PGBD2: variants seen among roughly 807,000 people sequenced by gnomAD.
PGBD2 encodes the protein piggyBac transposable element-derived protein 2.
In PGBD2, 6 loss-of-function variants were observed where a neutral mutation model predicts 8.1. The observed-to-expected ratio is 0.74, with a 90% CI of 0.40 to 1.46. The LOEUF (loss-of-function observed/expected upper bound fraction) is 1.46, where lower values mean the gene tolerates loss of function less well. Ranked by LOEUF, PGBD2 falls within the 40% of genes most tolerant of loss-of-function variation. PGBD2 has a pLI of 0.02. For synonymous variants in PGBD2, 318 were observed against 272.2 expected (o/e 1.17, Z -1.66); for missense variants, 802 against 739.0 (o/e 1.09, Z -0.99).
At chr1:248,888,743 T>A in the PGBD2 span, among the ~76,000 whole-genome samples, 1 of 152,238 alleles carries the variant, frequency 6.6e-6, no homozygotes, top group Non-Finnish European at 1.5e-5. Context: ...TTTAGTTTAA[T>A]TAGGCCCAAC....
chr1:248,906,813 G>T (rs1661658027), intron 1 of PGBD2, among the ~76,000 whole-genome samples: 1 of 152,134 alleles, frequency 6.6e-6, no homozygotes, highest in African/African-American at 2.4e-5. Flanking sequence ...AGCTGCTGAG[G>T]TTTCTGAGGG....
chr1:248,902,793 A>G (rs1456711329), upstream of PGBD2, among the ~76,000 whole-genome samples: 2 of 152,246 alleles, frequency 1.3e-5, no homozygotes, highest in African/African-American at 2.4e-5. Context: ...TGGGAGATGA[A>G]CTATGAGAAC....
the PGBD2 span, among the ~76,000 whole-genome samples, chr1:248,928,939 T>G: frequency 7.2e-5 from 11 of 152,224 alleles, no homozygotes; most frequent in Admixed American, 1.3e-4. Flanking sequence ...CATCTCTTTC[T>G]GTCTCTGGAA....
At chr1:248,898,347 C>T in the PGBD2 span, among the ~76,000 whole-genome samples, 1 of 152,218 alleles carries the variant, frequency 6.6e-6, no homozygotes, top group South Asian at 2.1e-4. Context: ...GGTCAATGTT[C>T]CTCTGGGAAG....
At chr1:248,903,549 T>C (rs1262355312), upstream of PGBD2, among the ~76,000 whole-genome samples, 6 of 152,206 alleles carry the variant, frequency 3.9e-5, no homozygotes, top group African/African-American at 1.4e-4. Context: ...GTCAAATCAA[T>C]TCAATTGTCA....
chr1:248,913,329 A>C (rs983113741), intron 1 of PGBD2, among the ~76,000 whole-genome samples: 1 of 152,208 alleles, frequency 6.6e-6, no homozygotes, highest in African/African-American at 2.4e-5. Flanking sequence ...TTATAGTTAT[A>C]TAAGTGGTGT....
the PGBD2 span, among the ~76,000 whole-genome samples, chr1:248,885,865 T>C: frequency 2.0e-5 from 3 of 152,198 alleles, no homozygotes; most frequent in Admixed American, 6.5e-5. Flanking sequence ...CACATGCAAA[T>C]AGTTGCTAAA....
chr1:248,918,477 A>G lies in PGBD2; in HGVS notation c.*114A>G. 2.0e-6 allele frequency: 2 copies of G among 1,014,068 alleles called. No homozygotes were observed. Among genetic ancestry groups the G allele is most frequent in the Non-Finnish European group, 1.4e-6 (1 of 714,216 alleles). 62.8% of individuals were successfully genotyped at this position (1,014,068 alleles called of 1,614,324 possible). On this transcript the variant is annotated 3_prime_UTR_variant, in exon 3 of 3. Coordinates refer to ENST00000329291, the MANE Select transcript of PGBD2 (RefSeq NM_170725.3). ...AAAGACCTGAATTTCTAATGACTTG[A>G]TTTTCTATTTTCTCCCTACCCACAA...
chr1:248,921,914 A>C (rs1444717294), downstream of PGBD2, among the ~76,000 whole-genome samples: 1 of 152,190 alleles, frequency 6.6e-6, no homozygotes, highest in Non-Finnish European at 1.5e-5. Context: ...ATGGGAGTTC[A>C]CTCATGATTC....
the PGBD2 span, among the ~76,000 whole-genome samples, chr1:248,873,963 T>TC: frequency 6.6e-5 from 10 of 152,124 alleles, 1 homozygote; most frequent in African/African-American, 2.2e-4. Flanking sequence ...TTCTGACACA[T>TC]TCGTTTTATT....
In PGBD2 at chr1:248,917,655, T is replaced by A; in HGVS notation, c.1071T>A (p.Val357=). 1.2e-6 allele frequency: 2 copies of A among 1,614,168 alleles called. No homozygotes were observed. The highest frequency in any genetic ancestry group is 1.7e-6 in the Non-Finnish European group (2 of 1,180,028). ...TTTTTGACAAGGTTTTCACAAGTGTTAAACTGATGTCCATTTTGAGGAAAA... is the reference window on the plus strand; with the variant it reads ...TTTTTGACAAGGTTTTCACAAGTGTAAAACTGATGTCCATTTTGAGGAAAA... The part of the protein sequence containing the change: ...HIFFDKVFTS[V]KLMSILRKKG... The change falls in exon 3 of 3, where the codon GTT becomes GTA. Residue 357 remains valine (V), a synonymous_variant. Coordinates refer to ENST00000329291, the MANE Select transcript of PGBD2 (RefSeq NM_170725.3).
intron 1 of PGBD2, among the ~76,000 whole-genome samples, chr1:248,909,970 T>G (rs910479690): frequency 2.0e-5 from 3 of 152,210 alleles, no homozygotes; most frequent in African/African-American, 7.2e-5. Context: ...GAAGATGGGC[T>G]CATGCCCTAA....
At position 248,917,703 on chromosome 1, in the gene PGBD2, T is replaced by G. The variant is rs1418793078; in HGVS notation, c.1119T>G (p.Thr373=). Reference sequence around the variant, plus strand: ...AAAAGGGGGTGAAAGCCACAGGAACTGTTCGTGAGTACAGGACTGAGCGAT... The same window carrying G: ...AAAAGGGGGTGAAAGCCACAGGAACGGTTCGTGAGTACAGGACTGAGCGAT... ...LRKKGVKATG[T]VREYRTERCP... Residue 373 remains threonine (T), a synonymous_variant, in exon 3 of 3, where the codon ACT becomes ACG. Transcript: ENST00000329291. 2 of 1,614,090 alleles carry G rather than the reference T, an allele frequency of 1.2e-6. No individual in the cohort carries two copies. The highest frequency in any genetic ancestry group is 1.7e-6 in the Non-Finnish European group (2 of 1,180,040).
Position 248,918,753 on chromosome 1 carries a change from A to C in PGBD2, c.*390A>C, listed in dbSNP as rs2103119326. On this transcript the variant is annotated 3_prime_UTR_variant, in exon 3 of 3. Coordinates refer to ENST00000329291, the MANE Select transcript of PGBD2 (RefSeq NM_170725.3). ...AATCTAAGATAGGCAATAGTGTATA[A>C]ATATCATGTAAATGTGATGGATTTC... 1 of 167,234 alleles carries C rather than the reference A, an allele frequency of 6.0e-6. No individual in the cohort carries two copies. The highest frequency in any genetic ancestry group is 2.1e-4 in the South Asian group (1 of 4,828). 10.4% of individuals were successfully genotyped at this position (167,234 alleles called of 1,614,324 possible). A position where few individuals can be genotyped will look rare whatever the true frequency, so the allele number is the denominator to read the frequency against.
At chr1:248,884,376 T>C in the PGBD2 span, among the ~76,000 whole-genome samples, 1 of 152,036 alleles carries the variant, frequency 6.6e-6, no homozygotes, top group Admixed American at 6.5e-5. Flanking sequence ...AGTCTCGCTC[T>C]GTAGCCCAGG....
At chr1:248,926,166 A>G in the PGBD2 span, among the ~76,000 whole-genome samples, 3 of 152,236 alleles carry the variant, frequency 2.0e-5, no homozygotes, top group Admixed American at 6.5e-5. Flanking sequence ...AGCAAACTGC[A>G]GGGACACGTG....
At chr1:248,922,989 A>G (rs1372961803), downstream of PGBD2, among the ~76,000 whole-genome samples, 3 of 151,910 alleles carry the variant, frequency 2.0e-5, no homozygotes, top group East Asian at 5.8e-4. Flanking sequence ...GTTAGGGAGG[A>G]TTCCCTCTTT....
chr1:248,920,762 A>G (rs1010251745), downstream of PGBD2, among the ~76,000 whole-genome samples: 39 of 152,204 alleles, frequency 2.6e-4, no homozygotes, highest in African/African-American at 9.4e-4. Context: ...TCCCACTAAC[A>G]GTGTAAAAGC....
rs764257386 is a variant in PGBD2 at position 248,917,381 on chromosome 1, A to G, written c.797A>G (p.Tyr266Cys). Residue 266 changes from tyrosine (Y) to cysteine (C), a missense_variant, in exon 3 of 3, where the codon TAC becomes TGC. Coordinates refer to ENST00000329291, the MANE Select transcript of PGBD2 (RefSeq NM_170725.3). ...FQKHAPLEEF[Y>C]SFGESMCEYF... ...AAGCATGCACCCTTGGAAGAGTTCTACAGCTTTGGCGAGTCTATGTGTGAG... is the reference window on the plus strand; with the variant it reads ...AAGCATGCACCCTTGGAAGAGTTCTGCAGCTTTGGCGAGTCTATGTGTGAG... The G allele has an allele frequency of 4.3e-6, 7 of 1,614,158 alleles. No individual in the cohort carries two copies. The highest frequency in any genetic ancestry group is 2.2e-5 in the East Asian group (1 of 44,876).
Sources: gnomAD v4.1 joint callset for allele counts (sites outside exome capture counted in the v4.1 genomes callset) on GRCh38, gnomAD v4.1.1 for gene constraint, MANE v1.5 for transcripts, NCBI Gene and HGNC (gene_info 2026-07-23, HGNC 2026-07-21) for gene names.